The following LRRC37A2 variants were observed in gnomAD, a reference collection of about 807,000 sequenced individuals.
The protein encoded by LRRC37A2 is leucine-rich repeat-containing protein 37A2.
A neutral mutation model predicts 68.8 loss-of-function variants in LRRC37A2; 9 were observed. The observed-to-expected ratio is 0.13, with a 90% CI of 0.08 to 0.23. The LOEUF (loss-of-function observed/expected upper bound fraction) is 0.23, where lower values mean the gene tolerates loss of function less well. Among genes scored for constraint, LRRC37A2 ranks in the 10% least tolerant of loss-of-function variants. The pLI, the probability that LRRC37A2 is intolerant of heterozygous loss-of-function variation, is 1.00. For missense variants in LRRC37A2, 168 were observed against 950.4 expected (o/e 0.18, Z 10.82); for synonymous variants, 63 against 367.6 (o/e 0.17, Z 9.48).
At chr17:46,989,910 G>C in the LRRC37A2 span, among the ~76,000 whole-genome samples, 1 of 152,252 alleles carries the variant, frequency 6.6e-6, no homozygotes, top group Non-Finnish European at 1.5e-5. Context: ...GAATGACAGA[G>C]CGAGACCAGC....
the LRRC37A2 span, among the ~76,000 whole-genome samples, chr17:46,835,812 GC>G: frequency 6.6e-6 from 1 of 152,136 alleles, no homozygotes; most frequent in Admixed American, 6.5e-5. Flanking sequence ...CGCCCCCTCA[GC>G]CCCCTTCACT....
chr17:46,959,182 G>C, the LRRC37A2 span, among the ~76,000 whole-genome samples: 18 of 152,220 alleles, frequency 1.2e-4, no homozygotes, highest in Non-Finnish European at 4.4e-5. Flanking sequence ...AGTGGCAGAA[G>C]TGTCACCTGT....
At chr17:46,918,596 GACACACACACACACACACACACAC>G in the LRRC37A2 span, among the ~76,000 whole-genome samples, 12 of 146,762 alleles carry the variant, frequency 8.2e-5, no homozygotes, top group African/African-American at 2.0e-4. Context: ...ATAGCAGGCA[GACACACACACACACACACACACAC>G]ACACACACAC....
chr17:47,032,836 T>A, the LRRC37A2 span, among the ~76,000 whole-genome samples: 1 of 152,174 alleles, frequency 6.6e-6, no homozygotes, highest in Non-Finnish European at 1.5e-5. Flanking sequence ...CAAACCCAGG[T>A]CTGCCAGATT....
the LRRC37A2 span, among the ~76,000 whole-genome samples, chr17:46,722,422 G>C: frequency 6.6e-6 from 1 of 152,158 alleles, no homozygotes; most frequent in African/African-American, 2.4e-5. Flanking sequence ...GTACTAGTCT[G>C]GCTAGGGCAG....
At chr17:46,718,103 C>T in the LRRC37A2 span, among the ~76,000 whole-genome samples, 20,340 of 152,260 alleles carry the variant, frequency 0.13, 1,858 homozygotes, top group Non-Finnish European at 0.2. Flanking sequence ...ACCTCAGGGC[C>T]TGGGGACTGA....
the LRRC37A2 span, among the ~76,000 whole-genome samples, chr17:46,896,458 AAGAAAGAAAGAAAGAAAGAC>A: frequency 0.012 from 1,676 of 141,334 alleles, 55 homozygotes; most frequent in African/African-American, 0.033. Flanking sequence ...AAGAAAAAGA[AAGAAAGAAAGAAAGAAAGAC>A]AGACCAAGGC....
chr17:46,747,304 A>G, the LRRC37A2 span, among the ~76,000 whole-genome samples: 1 of 152,180 alleles, frequency 6.6e-6, no homozygotes, highest in Non-Finnish European at 1.5e-5. Flanking sequence ...TTTTTGAGAC[A>G]GAGTCTCACT....
the LRRC37A2 span, among the ~76,000 whole-genome samples, chr17:46,901,599 T>TTG: frequency 7.9e-5 from 12 of 152,164 alleles, no homozygotes; most frequent in African/African-American, 2.9e-4. Flanking sequence ...GACTTGATTT[T>TTG]TGTATTCAGT....
chr17:46,769,707 G>T, the LRRC37A2 span: 1 of 1,580,376 alleles, frequency 6.3e-7, no homozygotes, highest in Non-Finnish European at 8.6e-7. Flanking sequence ...AAGGGGTGAG[G>T]TGGGGGCCAG....
the LRRC37A2 span, among the ~76,000 whole-genome samples, chr17:46,766,902 G>A: frequency 1.3e-5 from 2 of 152,166 alleles, no homozygotes; most frequent in Admixed American, 1.3e-4. Flanking sequence ...TGTCCTCGGT[G>A]TCCTTTCATT....
At chr17:47,026,513 C>T in the LRRC37A2 span, among the ~76,000 whole-genome samples, 1 of 152,186 alleles carries the variant, frequency 6.6e-6, no homozygotes. Context: ...TCTTCAGTAA[C>T]TTCCCAGGAG....
the LRRC37A2 span, among the ~76,000 whole-genome samples, chr17:46,871,849 C>T: frequency 1.3e-5 from 2 of 152,220 alleles, no homozygotes; most frequent in Admixed American, 1.3e-4. Context: ...CTTCTCTTTC[C>T]TTCCATCCCC....
the LRRC37A2 span, among the ~76,000 whole-genome samples, chr17:46,878,378 C>T: frequency 6.6e-6 from 1 of 152,222 alleles, no homozygotes; most frequent in East Asian, 1.9e-4. Context: ...CTCCCTGAGA[C>T]CTCCAAGGGC....
At chr17:46,723,980 A>C in the LRRC37A2 span, among the ~76,000 whole-genome samples, 78 of 152,302 alleles carry the variant, frequency 5.1e-4, no homozygotes, top group African/African-American at 1.9e-3. Context: ...TTTACGTCCA[A>C]GTTCCTTCAT....
At chr17:46,762,039 C>G in the LRRC37A2 span, among the ~76,000 whole-genome samples, 1 of 152,264 alleles carries the variant, frequency 6.6e-6, no homozygotes, top group Non-Finnish European at 1.5e-5. Context: ...TTAGCTCTCA[C>G]AGTGGAGCTA....
At chr17:46,777,839 G>A in the LRRC37A2 span, among the ~76,000 whole-genome samples, 1 of 152,210 alleles carries the variant, frequency 6.6e-6, no homozygotes, top group South Asian at 2.1e-4. Flanking sequence ...TGTCCTCTGA[G>A]AACAATTCCT....
chr17:46,635,791 G>GTGTGTGTGTGTGTA, the LRRC37A2 span, among the ~76,000 whole-genome samples: 1 of 137,428 alleles, frequency 7.3e-6, no homozygotes, highest in African/African-American at 2.8e-5. Flanking sequence ...GTGTGTGTGT[G>GTGTGTGTGTGTGTA]TGTGTGTGTG....
At chr17:46,667,759 A>C in the LRRC37A2 span, among the ~76,000 whole-genome samples, 1 of 121,428 alleles carries the variant, frequency 8.2e-6, no homozygotes, top group African/African-American at 3.0e-5. Flanking sequence ...ATTACCAGCA[A>C]CCACACCACT....
Sources: gnomAD v4.1 joint callset for allele counts (sites outside exome capture counted in the v4.1 genomes callset) on GRCh38, gnomAD v4.1.1 for gene constraint, MANE v1.5 for transcripts, NCBI Gene and HGNC (gene_info 2026-07-23, HGNC 2026-07-21) for gene names.